The following EYA2 variants were observed in gnomAD, a reference collection of about 807,000 sequenced individuals.
EYA2 encodes EYA transcriptional coactivator and phosphatase 2, also known as protein phosphatase EYA2.
Under a neutral mutation model 69.2 loss-of-function variants are expected in EYA2, and 31 were observed. The ratio of observed to expected loss-of-function variants is 0.45; its 90% CI spans 0.34 to 0.60. The LOEUF is 0.60. EYA2 is among the 20% of genes least tolerant of loss of function. The probability of loss-of-function intolerance (pLI) is 0.02; values close to 1 mark genes in which losing one functional copy is unlikely to be tolerated. For synonymous variants in EYA2, 257 were observed against 279.4 expected (o/e 0.92, Z 0.80); for missense variants, 622 against 701.2 (o/e 0.89, Z 1.28).
In EYA2 at chr20:47,002,244, A is replaced by G. The variant is rs1362389301; in HGVS notation, c.155+771A>G. Among the ~76,000 whole-genome samples, 3 of 151,616 alleles carry G rather than the reference A, an allele frequency of 2.0e-5. No individual in the cohort carries two copies. In the East Asian group the frequency reaches 5.8e-4, roughly 29 times the overall value. The stretch of plus-strand genomic sequence containing the variant: ...TCCAGTATACACATGCAGAACATGC[A>G]GGTTTGTTACATAGGTAAACATGTG... On this transcript the variant is annotated intron_variant, in intron 3 of 15. Coordinates refer to ENST00000327619, the MANE Select transcript of EYA2 (RefSeq NM_005244.5).
At chr20:46,919,931 C>T (rs1985103463) in intron 1 of EYA2, among the ~76,000 whole-genome samples, 1 of 152,164 alleles carries the variant, frequency 6.6e-6, no homozygotes, top group Non-Finnish European at 1.5e-5. Context: ...TTTCAGTACT[C>T]TTGTGTTTCA....
intron 10 of EYA2, among the ~76,000 whole-genome samples, chr20:47,154,485 AT>A (rs2033882105): frequency 6.6e-6 from 1 of 152,042 alleles, no homozygotes; most frequent in Admixed American, 6.5e-5. Flanking sequence ...CCCAAGTCAC[AT>A]AGTTGGCAGT....
chr20:47,152,771 A>G (rs937094221), intron 10 of EYA2, among the ~76,000 whole-genome samples: 2 of 150,654 alleles, frequency 1.3e-5, no homozygotes, highest in African/African-American at 4.9e-5. Flanking sequence ...AGATCGCGCC[A>G]CTGCACTTCA....
At chr20:46,956,076 A>G (rs1476638041) in intron 1 of EYA2, among the ~76,000 whole-genome samples, 2 of 151,824 alleles carry the variant, frequency 1.3e-5, no homozygotes, top group Non-Finnish European at 2.9e-5. Flanking sequence ...TGTCTTCCAC[A>G]TTTTTCTTCA....
chr20:47,001,462 G>T lies in EYA2; in HGVS notation c.144G>T (p.Gln48His). 6.2e-7 allele frequency: 1 copy of T among 1,614,104 alleles called. No individual in the cohort carries two copies. Among genetic ancestry groups the T allele is most frequent in the South Asian group, 1.1e-5 (1 of 91,080 alleles). Residue 48 changes from glutamine to histidine, a missense_variant, in exon 3 of 16, where the codon CAG becomes CAT. Physicochemically the swap from Gln to His is conservative, Grantham distance 24 (BLOSUM62 0). Coordinates refer to ENST00000327619, the MANE Select transcript of EYA2 (RefSeq NM_005244.5). The part of the protein sequence containing the change: ...ITKSAPLRVS[Q>H]LFSRSCPRVL... ...AATCGGCCCCCCTGAGAGTGTCCCA[G>T]CTCTTCTCCAGGTGAGTGCCATTCA... is the stretch of plus-strand genomic sequence containing the variant.
chr20:47,169,336 T>A, intron 11 of EYA2, 139 bp downstream of exon 11: 2 of 822,942 alleles, frequency 2.4e-6, no homozygotes, highest in Non-Finnish European at 4.1e-6. Context: ...ACTGGGACTT[T>A]TGCATCTCAG....
At chr20:47,123,266 C>T (rs1450905541) in intron 9 of EYA2, among the ~76,000 whole-genome samples, 2 of 151,988 alleles carry the variant, frequency 1.3e-5, no homozygotes, top group Admixed American at 1.3e-4. Context: ...ATTAACATAT[C>T]CACCATCGCA....
chr20:47,138,229 A>T (rs1404864598), intron 9 of EYA2, among the ~76,000 whole-genome samples: 2 of 151,876 alleles, frequency 1.3e-5, no homozygotes, highest in Non-Finnish European at 2.9e-5. Context: ...TGCTTTTCTG[A>T]GGCTATTCCA....
intron 5 of EYA2, among the ~76,000 whole-genome samples, chr20:47,066,963 C>G (rs1260368944): frequency 6.6e-6 from 1 of 152,170 alleles, no homozygotes; most frequent in South Asian, 2.1e-4. Flanking sequence ...CACAAGACTT[C>G]AGGGGCCACG....
intron 1 of EYA2, among the ~76,000 whole-genome samples, chr20:46,987,402 G>A (rs539321845): frequency 5.9e-5 from 9 of 152,286 alleles, no homozygotes; most frequent in African/African-American, 2.2e-4. Flanking sequence ...GGCTGGATTT[G>A]GCTTACGGGC....
intron 5 of EYA2, among the ~76,000 whole-genome samples, chr20:47,019,349 A>T (rs149795994): frequency 6.6e-6 from 1 of 152,252 alleles, no homozygotes; most frequent in African/African-American, 2.4e-5. Context: ...TCTGATGCTA[A>T]TGGCTATAAA....
intron 7 of EYA2, among the ~76,000 whole-genome samples, chr20:47,082,110 G>A (rs1348114069): frequency 6.6e-6 from 1 of 152,058 alleles, no homozygotes; most frequent in East Asian, 1.9e-4. Flanking sequence ...AAAGTGCTGG[G>A]ATTACAAGCG....
intron 1 of EYA2, among the ~76,000 whole-genome samples, chr20:46,946,651 C>T (rs1388491781): frequency 6.6e-6 from 1 of 151,738 alleles, no homozygotes; most frequent in South Asian, 2.1e-4. Flanking sequence ...TCTGCTGTAA[C>T]TACTCAACTC....
intron 9 of EYA2, among the ~76,000 whole-genome samples, chr20:47,109,142 C>A (rs1176280586): frequency 6.6e-6 from 1 of 152,144 alleles, no homozygotes; most frequent in Non-Finnish European, 1.5e-5. Context: ...TGTTTTCCAT[C>A]CAGGGTCTCC....
At chr20:47,103,244 C>G (rs2032474820) in intron 9 of EYA2, among the ~76,000 whole-genome samples, 1 of 152,186 alleles carries the variant, frequency 6.6e-6, no homozygotes, top group Non-Finnish European at 1.5e-5. Context: ...CCTATACTCA[C>G]TAGCAGTCAC....
At chr20:46,997,246 A>C (rs1274513674) in intron 2 of EYA2, among the ~76,000 whole-genome samples, 1 of 152,200 alleles carries the variant, frequency 6.6e-6, no homozygotes, top group Non-Finnish European at 1.5e-5. Context: ...TATCATGAGA[A>C]CAGGATAGAA....
At chr20:47,063,521 A>G (rs1368023884) in intron 5 of EYA2, among the ~76,000 whole-genome samples, 1 of 150,862 alleles carries the variant, frequency 6.6e-6, no homozygotes, top group Non-Finnish European at 1.5e-5. Flanking sequence ...CAAAAGGAAA[A>G]CCCCACCTCT....
intron 5 of EYA2, among the ~76,000 whole-genome samples, chr20:47,043,425 T>C (rs1479632654): frequency 1.3e-5 from 2 of 152,180 alleles, no homozygotes; most frequent in Non-Finnish European, 2.9e-5. Context: ...AGCCAAGGAC[T>C]GGAAGTAGCC....
intron 4 of EYA2, among the ~76,000 whole-genome samples, chr20:47,007,647 G>A (rs1333371912): frequency 1.3e-5 from 2 of 151,888 alleles, no homozygotes; most frequent in East Asian, 1.9e-4. Context: ...ACAGGGTCTG[G>A]CTCTGTCTTC....
Sources: gnomAD v4.1 joint callset for allele counts (sites outside exome capture counted in the v4.1 genomes callset) on GRCh38, gnomAD v4.1.1 for gene constraint, MANE v1.5 for transcripts, NCBI Gene and HGNC (gene_info 2026-07-23, HGNC 2026-07-21) for gene names.